The following OSBPL8 variants were observed in gnomAD, a reference collection of about 807,000 sequenced individuals.
The protein encoded by OSBPL8 is oxysterol-binding protein-related protein 8.
In OSBPL8, 59 loss-of-function variants were observed where a neutral mutation model predicts 125.5. That is an observed-to-expected ratio of 0.47 (90% CI 0.38 to 0.58). The LOEUF is 0.58. OSBPL8 is among the 20% of genes least tolerant of loss of function. OSBPL8 has a pLI of 0.00. For missense variants in OSBPL8, 758 were observed against 1,047.8 expected (o/e 0.72, Z 3.82); for synonymous variants, 330 against 338.9 (o/e 0.97, Z 0.29).
intron 7 of OSBPL8, among the ~76,000 whole-genome samples, chr12:76,398,946 TA>T (rs1227611985): frequency 6.6e-6 from 1 of 152,122 alleles, no homozygotes; most frequent in Non-Finnish European, 1.5e-5. Flanking sequence ...AGAAGGAAGG[TA>T]AGGCAGAGAA....
rs537607747 is a variant in OSBPL8 at position 76,463,867 on chromosome 12, T to C, written c.43-3972A>G. ...AGTAACGTATACCACTGAAGTCTTC[T>C]GCACATGGCTAAACTGCACACTACT... On this transcript the variant is annotated intron_variant, in intron 2 of 23. Transcript: ENST00000261183. Among the ~76,000 whole-genome samples, 8 of 152,360 alleles carry C rather than the reference T, an allele frequency of 5.3e-5. No homozygotes were observed. The South Asian group carries it at 1.7e-3, about 32-fold the overall frequency.
chr12:76,549,841 C>T (rs547923922), intron 1 of OSBPL8, among the ~76,000 whole-genome samples: 25 of 151,914 alleles, frequency 1.6e-4, no homozygotes, highest in African/African-American at 4.8e-4. Flanking sequence ...ACACAGAATT[C>T]GGAAAGTTTG....
chr12:76,494,157 T>C (rs1879023148), intron 1 of OSBPL8, among the ~76,000 whole-genome samples: 1 of 152,118 alleles, frequency 6.6e-6, no homozygotes, highest in African/African-American at 2.4e-5. Flanking sequence ...TTGGGGAGGG[T>C]TGATTATTGG....
chr12:76,506,393 T>A (rs1880418479), intron 1 of OSBPL8, among the ~76,000 whole-genome samples: 1 of 152,196 alleles, frequency 6.6e-6, no homozygotes, highest in African/African-American at 2.4e-5. Context: ...GGAGTTAGCA[T>A]ACGGATGGAA....
intron 1 of OSBPL8, among the ~76,000 whole-genome samples, chr12:76,549,017 A>G (rs1254459173): frequency 6.6e-6 from 1 of 152,152 alleles, no homozygotes; most frequent in Non-Finnish European, 1.5e-5. Flanking sequence ...ACAATACAAC[A>G]TAGTGTAAAA....
intron 1 of OSBPL8, among the ~76,000 whole-genome samples, chr12:76,558,996 A>AC: frequency 6.6e-6 from 1 of 152,168 alleles, no homozygotes; most frequent in Admixed American, 6.5e-5. Context: ...TGGGGCTGTC[A>AC]CAGGAAAGAA....
chr12:76,432,754 T>TA (rs1237247294), intron 4 of OSBPL8, among the ~76,000 whole-genome samples: 1 of 151,962 alleles, frequency 6.6e-6, no homozygotes, highest in Non-Finnish European at 1.5e-5. Context: ...TTTGAAAAGA[T>TA]AAAATCAACA....
At chr12:76,364,198 C>T (rs1487619984) in intron 21 of OSBPL8, among the ~76,000 whole-genome samples, 4 of 152,162 alleles carry the variant, frequency 2.6e-5, no homozygotes, top group Non-Finnish European at 5.9e-5. Flanking sequence ...GACACATGCA[C>T]ACGTATGTTT....
chr12:76,460,274 C>T (rs1874556372), intron 2 of OSBPL8, among the ~76,000 whole-genome samples: 1 of 152,046 alleles, frequency 6.6e-6, no homozygotes, highest in South Asian at 2.1e-4. Flanking sequence ...CCAAGTTATG[C>T]ATTCCTTAAA....
intron 11 of OSBPL8, chr12:76,390,064 T>C (rs1953494004): frequency 2.5e-6 from 1 of 403,438 alleles, no homozygotes; most frequent in Middle Eastern, 6.5e-4. Flanking sequence ...AAAAATATTA[T>C]AGCCTATTAT....
chr12:76,452,756 GTCAC>G (rs898133973), intron 3 of OSBPL8, among the ~76,000 whole-genome samples: 98 of 152,192 alleles, frequency 6.4e-4, no homozygotes, highest in African/African-American at 2.1e-3. Flanking sequence ...CTACTCTCCT[GTCAC>G]TCACTTGGCT....
rs1399481456 is a variant in OSBPL8, at chr12:76,389,753, C to A, written c.1244G>T (p.Arg415Leu). Reference sequence around the variant, plus strand: ...CACCTTGGATAGGTCCATGCCAGGACGGACTTGTTTCAATAGTGTCCAGAT... The same window carrying A: ...CACCTTGGATAGGTCCATGCCAGGAAGGACTTGTTTCAATAGTGTCCAGAT... ...SLIWTLLKQV[R>L]PGMDLSKVVL... Residue 415 changes from arginine to leucine, a missense_variant, in exon 12 of 24, where the codon CGT (arginine) becomes CTT (leucine). This residue lies in a region of OSBPL8 where 572 missense variants were observed against 762.0 expected (regional missense o/e 0.75). Coordinates refer to ENST00000261183, the MANE Select transcript of OSBPL8 (RefSeq NM_020841.5). The A allele has an allele frequency of 1.9e-6, 3 of 1,603,824 alleles. No individual in the cohort carries two copies. The highest frequency in any genetic ancestry group is 2.6e-6 in the Non-Finnish European group (3 of 1,173,878).
chr12:76,386,373 T>C (rs1953314593), intron 13 of OSBPL8, 107 bp from the exon 14 acceptor site: 20 of 1,405,640 alleles, frequency 1.4e-5, no homozygotes, highest in South Asian at 3.1e-5. Context: ...ACCGTCCTTA[T>C]AAAATTTCAA....
At chr12:76,409,176 GA>G (rs1243498958) in intron 5 of OSBPL8, among the ~76,000 whole-genome samples, 1 of 152,048 alleles carries the variant, frequency 6.6e-6, no homozygotes, top group Non-Finnish European at 1.5e-5. Context: ...GAGAAAACTT[GA>G]AAAGCAGAAA....
chr12:76,539,049 TG>T (rs35179694), intron 1 of OSBPL8, among the ~76,000 whole-genome samples: 21,808 of 99,514 alleles, frequency 0.22, 2,832 homozygotes, highest in African/African-American at 0.44. Context: ...ATTAAATAAC[TG>T]GGGGGGGGGA....
chr12:76,542,139 C>A (rs1430097080), intron 1 of OSBPL8, among the ~76,000 whole-genome samples: 1 of 152,106 alleles, frequency 6.6e-6, no homozygotes, highest in African/African-American at 2.4e-5. Flanking sequence ...CCATTGCACC[C>A]CAGCCTGGGA....
At chr12:76,405,948 T>A (rs1954245285) in intron 5 of OSBPL8, among the ~76,000 whole-genome samples, 2 of 152,182 alleles carry the variant, frequency 1.3e-5, no homozygotes, top group African/African-American at 4.8e-5. Context: ...TTTTCCCCTT[T>A]AACTGCTATC....
chr12:76,366,752 C>G (rs1952431641), intron 21 of OSBPL8, among the ~76,000 whole-genome samples: 1 of 152,068 alleles, frequency 6.6e-6, no homozygotes, highest in Non-Finnish European at 1.5e-5. Context: ...TAAGTATTAT[C>G]TAATTTCCCT....
At chr12:76,536,097 T>C (rs545617390) in intron 1 of OSBPL8, among the ~76,000 whole-genome samples, 2 of 149,534 alleles carry the variant, frequency 1.3e-5, no homozygotes, top group African/African-American at 4.9e-5. Flanking sequence ...ATTGGGGGGG[T>C]GTGAGGTGGA....
Sources: gnomAD v4.1 joint callset for allele counts (sites outside exome capture counted in the v4.1 genomes callset) on GRCh38, gnomAD v4.1.1 for gene constraint, gnomAD v4.1.1 regional missense constraint, MANE v1.5 for transcripts, NCBI Gene and HGNC (gene_info 2026-07-23, HGNC 2026-07-21) for gene names.